The following SASH1 variants were observed in gnomAD, a reference collection of about 807,000 sequenced individuals.
SASH1 encodes the protein SAM and SH3 domain containing 1.
SASH1 carries 44 observed loss-of-function variants against 125.2 expected under a neutral mutation model. The ratio of observed to expected loss-of-function variants is 0.35; its 90% confidence interval spans 0.28 to 0.45. The LOEUF (loss-of-function observed/expected upper bound fraction) is 0.45. SASH1 is among the 20% of genes least tolerant of loss of function. SASH1 has a pLI of 1.00. For synonymous variants in SASH1, 639 were observed against 649.1 expected (o/e 0.98, Z 0.24); for missense variants, 1,426 against 1,614.5 (o/e 0.88, Z 2.00).
rs1562436545 is a variant in SASH1 at position 148,468,567 on chromosome 6, T to C, written c.409T>C (p.Ser137Pro). The change falls in exon 5 of 20, where the codon TCA becomes CCA. Residue 137 changes from serine (S) to proline (P), a missense_variant. Coordinates refer to ENST00000367467, the MANE Select transcript of SASH1 (RefSeq NM_015278.5). ...ERKNPLHKSN[S>P]EDSSVGKGDW... ...TAGGAACCCTCTTCATAAATCAAAC[T>C]CAGAAGACAGCTCTGTAGGTCAGTA... 1.2e-6 allele frequency: 2 copies of C among 1,609,234 alleles called. No individual in the cohort carries two copies. Among genetic ancestry groups the C allele is most frequent in the Non-Finnish European group, 1.7e-6 (2 of 1,176,174 alleles).
intron 1 of SASH1, among the ~76,000 whole-genome samples, chr6:148,381,242 C>A (rs1783118910): frequency 6.6e-6 from 1 of 152,104 alleles, no homozygotes; most frequent in African/African-American, 2.4e-5. Context: ...GATTTCTTCC[C>A]AGTAGGTAGT....
Position 148,529,004 on chromosome 6 carries a change from C to T in SASH1, c.1428+1408C>T, listed in dbSNP as rs1781354418. ...TAAACAGCGTGCAACCTAGATGCCT[C>T]GTGTGCACAATTCACAATAGGATTC... On this transcript the variant is annotated intron_variant, in intron 12 of 19. Coordinates refer to ENST00000367467, the MANE Select transcript of SASH1 (RefSeq NM_015278.5). This position sits in a 1 kb window ranked among gnomAD's most constrained non-coding sequence, Gnocchi z 4.2. Among the ~76,000 whole-genome samples the T allele has an allele frequency of 6.6e-6, 1 of 152,026 alleles. No individual in the cohort carries two copies. Among genetic ancestry groups the T allele is most frequent in the South Asian group, 2.1e-4 (1 of 4,820 alleles).
chr6:148,254,829 T>A, the SASH1 span, among the ~76,000 whole-genome samples: 1 of 152,174 alleles, frequency 6.6e-6, no homozygotes, highest in Non-Finnish European at 1.5e-5. Context: ...AGAGTTTTCA[T>A]GTGATCTAGA....
chr6:148,421,199 A>AAG (rs1199743563), intron 2 of SASH1, among the ~76,000 whole-genome samples: 30 of 143,760 alleles, frequency 2.1e-4, no homozygotes, highest in African/African-American at 7.4e-4. Context: ...GAAAGAAAGA[A>AAG]AGAAAGAAAG....
intron 1 of SASH1, among the ~76,000 whole-genome samples, chr6:148,320,126 A>G (rs1022012141): frequency 1.3e-5 from 2 of 152,244 alleles, no homozygotes; most frequent in African/African-American, 2.4e-5. Context: ...AAACTTTATC[A>G]TAAGTATGTA....
intron 2 of SASH1, among the ~76,000 whole-genome samples, chr6:148,423,689 C>T (rs551440612): frequency 3.5e-4 from 54 of 152,248 alleles, no homozygotes; most frequent in African/African-American, 1.2e-3. Flanking sequence ...TGCTTAACTG[C>T]GAGCTCTTGA....
the SASH1 span, among the ~76,000 whole-genome samples, chr6:148,204,399 A>G: frequency 6.6e-6 from 1 of 152,188 alleles, no homozygotes; most frequent in African/African-American, 2.4e-5. Context: ...TTTTTGAAAG[A>G]TAAAATTCTT....
At chr6:148,214,613 C>T in the SASH1 span, among the ~76,000 whole-genome samples, 18 of 152,290 alleles carry the variant, frequency 1.2e-4, no homozygotes, top group African/African-American at 3.6e-4. Flanking sequence ...GATTTCCCAG[C>T]TCTATTCTCC....
intron 1 of SASH1, among the ~76,000 whole-genome samples, chr6:148,290,315 A>C (rs2128508518): frequency 6.6e-6 from 1 of 151,750 alleles, no homozygotes; most frequent in South Asian, 2.1e-4. Flanking sequence ...GAATTAATGA[A>C]AACGTTCTTG....
chr6:148,376,020 G>C (rs1043563708), intron 1 of SASH1, among the ~76,000 whole-genome samples: 5 of 152,098 alleles, frequency 3.3e-5, no homozygotes, highest in African/African-American at 1.2e-4. Flanking sequence ...GTTTTTTGGG[G>C]ATTGCATGGC....
Position 148,362,174 on chromosome 6 carries a change from A to G in SASH1, c.156+18951A>G, listed in dbSNP as rs932909821. Among the ~76,000 whole-genome samples, 45 of 150,104 alleles carry G rather than the reference A, an allele frequency of 3.0e-4. 1 individual carries two copies. In the East Asian group the frequency reaches 3.3e-3, roughly 11 times the overall value. On this transcript the variant is annotated intron_variant, in intron 1 of 19. Coordinates refer to ENST00000367467, the MANE Select transcript of SASH1 (RefSeq NM_015278.5). ...GATATCCTGACCTTGTGATCCGCCC[A>G]CCTTGGCCTCCCAAAGTGCTGGGAT...
At chr6:148,394,727 T>C (rs1303608801) in intron 2 of SASH1, among the ~76,000 whole-genome samples, 1 of 152,076 alleles carries the variant, frequency 6.6e-6, no homozygotes, top group East Asian at 1.9e-4. Context: ...TCACCGCAAT[T>C]TCTGCCTCCT....
At chr6:148,438,486 A>G (rs1395617303) in intron 2 of SASH1, among the ~76,000 whole-genome samples, 2 of 152,154 alleles carry the variant, frequency 1.3e-5, no homozygotes, top group African/African-American at 4.8e-5. Context: ...GTACAGAAAT[A>G]TGTCTGTCAT....
chr6:148,334,843 G>A (rs1024595072), intron 1 of SASH1, among the ~76,000 whole-genome samples: 3 of 147,846 alleles, frequency 2.0e-5, no homozygotes, highest in African/African-American at 7.5e-5. Flanking sequence ...GTATGGTAGC[G>A]GGAACCTGTA....
Position 148,474,162 on chromosome 6 carries a change from G to T in SASH1, c.567G>T (p.Arg189=), listed in dbSNP as rs1217748744. ...AAATAACGATGAGCGATGAGGAGCG[G>T]ATTCAGCTAATGATGATGGTCAAAG... ...ASEITMSDEE[R]IQLMMMVKEK... is the part of the protein sequence containing the mutation. Residue 189 remains arginine, a synonymous_variant, in exon 7 of 20, where the codon CGG becomes CGT. Transcript: ENST00000367467. 6.2e-7 allele frequency: 1 copy of T among 1,612,032 alleles called. No individual in the cohort carries two copies. The highest frequency in any genetic ancestry group is 8.5e-7 in the Non-Finnish European group (1 of 1,179,162).
intron 2 of SASH1, among the ~76,000 whole-genome samples, chr6:148,421,153 GA>G (rs1357780294): frequency 0.056 from 4,485 of 79,996 alleles, 124 homozygotes; most frequent in African/African-American, 0.08. Flanking sequence ...AAGGAAGAAA[GA>G]AAGAAAGAAA....
At position 148,548,836 on chromosome 6, in the gene SASH1, G is replaced by C; in HGVS notation, c.*278G>C. 2.9e-6 allele frequency: 1 copy of C among 343,190 alleles called. No homozygotes were observed. The highest frequency in any genetic ancestry group is 5.3e-6 in the Non-Finnish European group (1 of 189,298). 21.3% of individuals were successfully genotyped at this position (343,190 alleles called of 1,614,324 possible). A position where few individuals can be genotyped will look rare whatever the true frequency, so the allele number is the denominator to read the frequency against. ...AGACAAAAGAACCAAGATGCCAACT[G>C]GCTGCGAATGCTCTATCTCCAGTCT... On this transcript the variant is annotated 3_prime_UTR_variant, in exon 20 of 20. Transcript: ENST00000367467.
intron 4 of SASH1, among the ~76,000 whole-genome samples, chr6:148,460,799 A>G (rs1777580226): frequency 6.6e-6 from 1 of 152,246 alleles, no homozygotes; most frequent in Non-Finnish European, 1.5e-5. Flanking sequence ...GTAATTCTAA[A>G]AAACATACAA....
At position 148,325,261 on chromosome 6, in the gene SASH1, T is replaced by TTTGTTGTTGTTGTTGTTG. The variant is rs1554235037; in HGVS notation, n.74+52896_74+52913dup. The stretch of plus-strand genomic sequence containing the variant: ...AGAGTGAAATAGGGGAAAAGCCTCT[T>TTTGTTGTTGTTGTTGTTG]TTGTTGTTGTTGTTGTTGTTGTTGT... On this transcript the variant is annotated intron_variant and non_coding_transcript_variant, in intron 1 of 3. Transcript: ENST00000367469. Among the ~76,000 whole-genome samples the TTTGTTGTTGTTGTTGTTG allele has an allele frequency of 4.1e-3, 609 of 149,988 alleles. 3 individuals carry two copies. The highest frequency in any genetic ancestry group is 0.016 in the East Asian group (79 of 4,976).
Sources: allele counts gnomAD v4.1 joint callset (sites outside exome capture counted in the v4.1 genomes callset), GRCh38; gene constraint gnomAD v4.1.1; non-coding constraint Gnocchi (gnomAD v3.1); transcripts MANE v1.5; gene names NCBI Gene and HGNC (gene_info 2026-07-23, HGNC 2026-07-21).